The following NCAM1 variants were observed in gnomAD, a reference collection of about 807,000 sequenced individuals.
The protein encoded by NCAM1 is neural cell adhesion molecule 1.
NCAM1 carries 14 observed loss-of-function variants against 109.8 expected under a neutral mutation model. The observed-to-expected ratio is 0.13, with a 90% confidence interval of 0.08 to 0.20. The LOEUF (loss-of-function observed/expected upper bound fraction) is 0.20. NCAM1 is among the 10% of genes least tolerant of loss of function. The pLI, the probability that NCAM1 is intolerant of heterozygous loss-of-function variation, is 1.00. For missense variants in NCAM1, 774 were observed against 1,109.9 expected (o/e 0.70, Z 4.30); for synonymous variants, 418 against 442.9 (o/e 0.94, Z 0.70).
intron 1 of NCAM1, among the ~76,000 whole-genome samples, chr11:113,172,167 C>T (rs1030528300): frequency 6.6e-6 from 1 of 152,188 alleles, no homozygotes; most frequent in Non-Finnish European, 1.5e-5. Context: ...TTGTTTCAGC[C>T]AGCCCTAGAA....
intron 17 of NCAM1, 166 bp downstream of exon 17, chr11:113,260,489 G>A (rs940989893): frequency 4.3e-6 from 3 of 702,584 alleles, no homozygotes; most frequent in Non-Finnish European, 6.8e-6. Flanking sequence ...CTGTGCAGTG[G>A]GGTGAGATGT....
chr11:113,212,815 G>A (rs868922573), intron 7 of NCAM1, among the ~76,000 whole-genome samples: 24 of 151,932 alleles, frequency 1.6e-4, no homozygotes, highest in African/African-American at 5.3e-4. Flanking sequence ...CTTCCAATAC[G>A]AGTTGTAATA....
chr11:113,085,546 T>C (rs1409380656), intron 1 of NCAM1, among the ~76,000 whole-genome samples: 2 of 152,234 alleles, frequency 1.3e-5, no homozygotes, highest in Non-Finnish European at 2.9e-5. Context: ...TCGCTGTGTT[T>C]AACTAGGTGA....
intron 1 of NCAM1, among the ~76,000 whole-genome samples, chr11:112,978,727 T>C (rs1555068121): frequency 2.0e-5 from 3 of 151,860 alleles, no homozygotes; most frequent in African/African-American, 7.2e-5. Context: ...TAGCATCTTT[T>C]GAAAAATTCT....
In NCAM1 at chr11:113,212,561, G is replaced by C. The variant is rs185819382; in HGVS notation, c.917-1808G>C. Among the ~76,000 whole-genome samples the C allele has an allele frequency of 2.0e-3, 297 of 152,220 alleles. 2 individuals carry two copies. The highest frequency in any genetic ancestry group is 6.6e-3 in the African/African-American group (275 of 41,518). On this transcript the variant is annotated intron_variant, in intron 7 of 19. Transcript: ENST00000316851. ...CTCAGAGTCTGACAAGATTTTAAGG[G>C]GCCCCAAATTCAGCCTTCCTGGGAT... is the stretch of plus-strand genomic sequence containing the variant.
chr11:113,011,461 C>G (rs1952053359), intron 1 of NCAM1, among the ~76,000 whole-genome samples: 2 of 146,994 alleles, frequency 1.4e-5, no homozygotes, highest in Admixed American at 1.4e-4. Context: ...GATTTATAGT[C>G]CTTTGGGTAT....
At position 113,213,464 on chromosome 11, in the gene NCAM1, C is replaced by T. The variant is rs116436477; in HGVS notation, c.917-905C>T. On this transcript the variant is annotated intron_variant, in intron 7 of 19. Coordinates refer to ENST00000316851, the MANE Select transcript of NCAM1 (RefSeq NM_181351.5). ...CATTTGGAAAATGAACTCATCTCAA[C>T]TCATCTCCTTCCCATCCTGAGCCCA... 3.1e-3 allele frequency among the ~76,000 whole-genome samples: 474 copies of T among 152,288 alleles called. 4 individuals carry two copies. The highest frequency in any genetic ancestry group is 0.011 in the African/African-American group (439 of 41,554).
intron 1 of NCAM1, among the ~76,000 whole-genome samples, chr11:112,983,439 A>G (rs78366262): frequency 0.012 from 1,842 of 151,852 alleles, 14 homozygotes; most frequent in Non-Finnish European, 0.021. Context: ...TTCAAGTGGG[A>G]AGAGGGTGAA....
intron 17 of NCAM1, among the ~76,000 whole-genome samples, chr11:113,262,102 T>C (rs1946021397): frequency 6.6e-6 from 1 of 152,160 alleles, no homozygotes; most frequent in South Asian, 2.1e-4. Flanking sequence ...GGCCATTGAA[T>C]TGGGATCCGA....
At chr11:113,097,877 A>G (rs781918238) in intron 1 of NCAM1, among the ~76,000 whole-genome samples, 3 of 152,120 alleles carry the variant, frequency 2.0e-5, no homozygotes, top group Non-Finnish European at 4.4e-5. Context: ...AACTATAGAG[A>G]GACTTTATTT....
At chr11:113,185,072 A>T (rs1296504214) in intron 1 of NCAM1, among the ~76,000 whole-genome samples, 2 of 135,294 alleles carry the variant, frequency 1.5e-5, no homozygotes, top group African/African-American at 5.7e-5. Context: ...TTATATTTAT[A>T]TATATATAGA....
Position 113,110,024 on chromosome 11 carries a change from A to G in NCAM1, c.53-92355A>G, listed in dbSNP as rs1940375898. Among the ~76,000 whole-genome samples, 2 of 152,196 alleles carry G rather than the reference A, an allele frequency of 1.3e-5. 1 individual carries two copies. Among genetic ancestry groups the G allele is most frequent in the Admixed American group, 1.3e-4 (2 of 15,272 alleles). ...TGTATATATGAATTAACTGTAATTC[A>G]TATGTGGTTGTAATTTGTTTTTTGG... On this transcript the variant is annotated intron_variant, in intron 1 of 19. Coordinates refer to ENST00000316851, the MANE Select transcript of NCAM1 (RefSeq NM_181351.5).
intron 1 of NCAM1, among the ~76,000 whole-genome samples, chr11:113,162,203 T>A (rs782703537): frequency 6.6e-6 from 1 of 152,226 alleles, no homozygotes; most frequent in Non-Finnish European, 1.5e-5. Context: ...GGGCCTACTG[T>A]AATTTAGCCT....
chr11:112,994,492 T>C (rs2134873703), intron 1 of NCAM1, among the ~76,000 whole-genome samples: 1 of 152,366 alleles, frequency 6.6e-6, no homozygotes, highest in East Asian at 1.9e-4. Flanking sequence ...GTGGTGGCTC[T>C]TTTCAATGAG....
intron 1 of NCAM1, among the ~76,000 whole-genome samples, chr11:113,109,143 T>C (rs1249092836): frequency 4.0e-5 from 6 of 150,382 alleles, no homozygotes; most frequent in African/African-American, 1.5e-4. Context: ...AGGTCAGGAG[T>C]TCGAGACCAG....
chr11:113,028,695 A>G (rs1952631783), intron 1 of NCAM1, among the ~76,000 whole-genome samples: 1 of 152,192 alleles, frequency 6.6e-6, no homozygotes, highest in Non-Finnish European at 1.5e-5. Flanking sequence ...TTTGTGCAGT[A>G]TGAAGGTGGT....
intron 1 of NCAM1, among the ~76,000 whole-genome samples, chr11:113,111,897 AT>A (rs1439687646): frequency 6.6e-6 from 1 of 152,178 alleles, no homozygotes; most frequent in African/African-American, 2.4e-5. Context: ...GAATAAACGT[AT>A]TCATTATTCA....
intron 1 of NCAM1, among the ~76,000 whole-genome samples, chr11:113,012,480 G>A (rs1169057949): frequency 6.6e-6 from 1 of 152,082 alleles, no homozygotes; most frequent in African/African-American, 2.4e-5. Flanking sequence ...CACAAACCAG[G>A]GACCTTCAAA....
intron 1 of NCAM1, among the ~76,000 whole-genome samples, chr11:112,994,095 A>G (rs1379119028): frequency 6.6e-6 from 1 of 152,206 alleles, no homozygotes; most frequent in Non-Finnish European, 1.5e-5. Context: ...TTTGCCATCT[A>G]GCTTTGAGCA....
Sources: gnomAD v4.1 joint callset for allele counts (sites outside exome capture counted in the v4.1 genomes callset) on GRCh38, gnomAD v4.1.1 for gene constraint, MANE v1.5 for transcripts, NCBI Gene and HGNC (gene_info 2026-07-23, HGNC 2026-07-21) for gene names.